Variants in PVALEF observed in about 807,000 individuals in gnomAD.
The protein encoded by PVALEF is parvalbumin-like EF-hand-containing protein.
A neutral mutation model predicts 1.2 loss-of-function variants in PVALEF; 2 were observed. The observed-to-expected ratio is 1.68, with a 90% CI of 0.69 to 5.28. PVALEF has a LOEUF of 5.28. Among genes scored for constraint, PVALEF ranks in the 30% most tolerant of loss-of-function variants. The pLI, the probability that PVALEF is intolerant of heterozygous loss-of-function variation, is 0.06. For synonymous variants in PVALEF, 16 were observed against 6.5 expected (o/e 2.47, Z -2.24); for missense variants, 35 against 17.7 (o/e 1.97, Z -1.75).
intron 2 of PVALEF, among the ~76,000 whole-genome samples, chr17:81,168,741 C>T (rs1370653512): frequency 6.6e-6 from 1 of 152,164 alleles, no homozygotes; most frequent in Non-Finnish European, 1.5e-5. Context: ...GGCCAAGAAC[C>T]CAGCAGGAAG....
rs559918127 is a variant in PVALEF, at chr17:81,165,994, G to T, written c.-508+247G>T. ...GGGGTTGAAGAAGGACGACGACATG[G>T]CCGGGCCAGCGGCCGGCGGGCATCC... is the stretch of plus-strand genomic sequence containing the variant. On this transcript the variant is annotated intron_variant, in intron 1 of 6. Coordinates refer to ENST00000637878, the MANE Select transcript of PVALEF (RefSeq NM_001354639.2). 3.4e-5 allele frequency: 53 copies of T among 1,571,110 alleles called. 1 individual carries two copies. In the South Asian group the frequency reaches 5.7e-4, roughly 17 times the overall value.
rs2061477864 is a variant in PVALEF, at chr17:81,165,607, C to T, written c.-648C>T. 2 of 1,410,970 alleles carry T rather than the reference C, an allele frequency of 1.4e-6. No homozygotes were observed. The highest frequency in any genetic ancestry group is 1.9e-6 in the Non-Finnish European group (2 of 1,065,348). The allele number at this position is 1,410,970 out of a possible 1,614,324, so 87.4% of individuals were successfully genotyped here. On this transcript the variant is annotated 5_prime_UTR_variant, in exon 1 of 7. Transcript: ENST00000637878. Reference sequence around the variant, plus strand: ...CCCAGCTGGCTGACACCCCCCACACCCCCAAGGGCCCTTAGTCTGAGACCA... The same window carrying T: ...CCCAGCTGGCTGACACCCCCCACACTCCCAAGGGCCCTTAGTCTGAGACCA...
Position 81,166,687 on chromosome 17 carries a change from G to T in PVALEF, c.-497G>T, listed in dbSNP as rs767938394. 2.0e-5 allele frequency: 9 copies of T among 454,258 alleles called. No individual in the cohort carries two copies. Among genetic ancestry groups the T allele is most frequent in the Non-Finnish European group, 4.0e-5 (9 of 226,748 alleles). The allele number at this position is 454,258 out of a possible 1,614,324, so 28.1% of individuals were successfully genotyped here. A position where few individuals can be genotyped will look rare whatever the true frequency, so the allele number is the denominator to read the frequency against. ...TCGCCTCACTTGCAGGTTTCGAGGC[G>T]GCTGGCAGCCGCCCCCCCACCCCAT... On this transcript the variant is annotated 5_prime_UTR_variant, in exon 2 of 7. Transcript: ENST00000637878.
At chr17:81,166,100 G>A in intron 1 of PVALEF, 1 of 618,506 alleles carries the variant, frequency 1.6e-6, no homozygotes, top group Non-Finnish European at 2.0e-6. Flanking sequence ...GGTGCGGAGC[G>A]CGCCGGCCCC....
chr17:81,182,961 C>A lies in PVALEF; in HGVS notation c.359-4C>A. On this transcript the variant is annotated splice_region_variant and splice_polypyrimidine_tract_variant and intron_variant, in intron 6 of 6. Coordinates refer to ENST00000637878, the MANE Select transcript of PVALEF (RefSeq NM_001354639.2). ...ACTTACTTTAAATTGGTCTCCTGCTCTAGAATTTTCTGAATTGATCAAAAA... is the reference window on the plus strand; with the variant it reads ...ACTTACTTTAAATTGGTCTCCTGCTATAGAATTTTCTGAATTGATCAAAAA... The A allele has an allele frequency of 5.0e-6, 2 of 398,640 alleles. No individual in the cohort carries two copies. Among genetic ancestry groups the A allele is most frequent in the Non-Finnish European group, 8.8e-6 (2 of 226,078 alleles). 24.7% of individuals were successfully genotyped at this position (398,640 alleles called of 1,614,324 possible).
intron 2 of PVALEF, among the ~76,000 whole-genome samples, chr17:81,168,725 G>A (rs1031210849): frequency 3.3e-5 from 5 of 152,176 alleles, no homozygotes; most frequent in Non-Finnish European, 5.9e-5. Context: ...CGTCGAAGAG[G>A]AAAAAGGCCA....
chr17:81,177,329 C>T (rs1306638686), intron 2 of PVALEF, among the ~76,000 whole-genome samples: 1 of 150,026 alleles, frequency 6.7e-6, no homozygotes, highest in African/African-American at 2.4e-5. Context: ...AGGCAGATCA[C>T]CTGAGGTCAG....
In PVALEF at chr17:81,183,050, G is replaced by A. The variant is rs530979706; in HGVS notation, c.*39G>A. 2.5e-6 allele frequency: 1 copy of A among 398,702 alleles called. No individual in the cohort carries two copies. The highest frequency in any genetic ancestry group is 4.4e-5 in the Admixed American group (1 of 22,746). 24.7% of individuals were successfully genotyped at this position (398,702 alleles called of 1,614,324 possible). On this transcript the variant is annotated 3_prime_UTR_variant, in exon 7 of 7. Transcript: ENST00000637878. ...CCTGGCCAGCCAAGGGGCTCCCATG[G>A]GGTAACCGGGGTGACCACGCACCTG...
rs1399071621 is a variant in PVALEF at position 81,178,992 on chromosome 17, C to T, written c.-265C>T. The stretch of plus-strand genomic sequence containing the variant: ...GGACACACCAAGTGCCTGCGAGCCC[C>T]TGGGAGCTGCCCGTGCCAGGCTGGA... On this transcript the variant is annotated 5_prime_UTR_variant, in exon 3 of 7. Transcript: ENST00000637878. The T allele has an allele frequency of 4.6e-6, 2 of 434,866 alleles. No homozygotes were observed. Among genetic ancestry groups the T allele is most frequent in the Non-Finnish European group, 9.3e-6 (2 of 214,260 alleles). The allele number at this position is 434,866 out of a possible 1,614,324, so 26.9% of individuals were successfully genotyped here. A position where few individuals can be genotyped will look rare whatever the true frequency, so the allele number is the denominator to read the frequency against.
At chr17:81,173,748 C>T (rs1225347722) in intron 2 of PVALEF, among the ~76,000 whole-genome samples, 4 of 152,108 alleles carry the variant, frequency 2.6e-5, no homozygotes, top group African/African-American at 9.7e-5. Context: ...GAACAAACAC[C>T]AATTCCTCTC....
intron 2 of PVALEF, among the ~76,000 whole-genome samples, chr17:81,176,962 T>G (rs181222989): frequency 1.3e-5 from 2 of 151,406 alleles, no homozygotes; most frequent in African/African-American, 4.8e-5. Flanking sequence ...AGTCTCCTTT[T>G]GTCACCCAGG....
chr17:81,182,898 A>C, intron 6 of PVALEF, 67 bp from the exon 7 acceptor site: 1 of 398,296 alleles, frequency 2.5e-6, no homozygotes, highest in Non-Finnish European at 4.4e-6. Context: ...TCTGAGAGTT[A>C]AAGGGCCTAC....
chr17:81,176,912 T>A (rs2061537463), intron 2 of PVALEF, among the ~76,000 whole-genome samples: 1 of 144,566 alleles, frequency 6.9e-6, no homozygotes, highest in African/African-American at 2.5e-5. Flanking sequence ...AACCATGCAA[T>A]GGAGTATTAG....
intron 2 of PVALEF, among the ~76,000 whole-genome samples, chr17:81,169,766 A>G (rs1567835297): frequency 2.0e-5 from 3 of 151,608 alleles, no homozygotes; most frequent in Non-Finnish European, 4.4e-5. Context: ...GTGTGTATGC[A>G]TGTGTGTCTG....
In PVALEF at chr17:81,181,310, G is replaced by T. The variant is rs934858421; in HGVS notation, c.84G>T (p.Leu28=). The change falls in exon 4 of 7, where the codon CTG becomes CTT. Residue 28 remains leucine, a synonymous_variant. Coordinates refer to ENST00000637878, the MANE Select transcript of PVALEF (RefSeq NM_001354639.2). ...TSLSDKDIEL[L]PTDMRHHGSF... ...TATCAGACAAGGACATTGAGCTGCT[G>T]CCCACAGACATGAGACACCACGGTA... The T allele has an allele frequency of 4.3e-6, 3 of 694,072 alleles. No homozygotes were observed. The highest frequency in any genetic ancestry group is 7.9e-6 in the Non-Finnish European group (3 of 380,466). The allele number at this position is 694,072 out of a possible 1,614,324, so 43.0% of individuals were successfully genotyped here. A position where few individuals can be genotyped will look rare whatever the true frequency, so the allele number is the denominator to read the frequency against.
At chr17:81,167,085 G>C (rs529147707) in intron 2 of PVALEF, among the ~76,000 whole-genome samples, 130 of 152,334 alleles carry the variant, frequency 8.5e-4, no homozygotes, top group African/African-American at 3.1e-3. Flanking sequence ...TTGTGCTCAG[G>C]GGTTCCAGAC....
At chr17:81,172,583 G>A (rs555284060) in intron 2 of PVALEF, among the ~76,000 whole-genome samples, 14 of 152,176 alleles carry the variant, frequency 9.2e-5, no homozygotes, top group African/African-American at 2.2e-4. Flanking sequence ...TTCAAGACCA[G>A]CCTGGCCTAT....
Position 81,165,626 on chromosome 17 carries a change from G to C in PVALEF, c.-629G>C. On this transcript the variant is annotated 5_prime_UTR_variant, in exon 1 of 7. Transcript: ENST00000637878. ...CCACACCCCCAAGGGCCCTTAGTCT[G>C]AGACCAACTCTCCTGGACACCAGGG... 1 of 1,454,790 alleles carries C rather than the reference G, an allele frequency of 6.9e-7. No homozygotes were observed. The highest frequency in any genetic ancestry group is 1.2e-5 in the South Asian group (1 of 82,434). 90.1% of individuals were successfully genotyped at this position (1,454,790 alleles called of 1,614,324 possible).
In PVALEF at chr17:81,179,259, C is replaced by G. The variant is rs113394320; in HGVS notation, c.-105+107C>G. On this transcript the variant is annotated intron_variant, in intron 3 of 6. Transcript: ENST00000637878. ...TCTTCATCCACAGGACAAGGGTGGC[C>G]CTGGGAGACCCCAGGGGACCCAGGG... 631 of 227,618 alleles carry G rather than the reference C, an allele frequency of 2.8e-3. 8 individuals carry two copies. The highest frequency in any genetic ancestry group is 0.013 in the African/African-American group (569 of 43,068). 14.1% of individuals were successfully genotyped at this position (227,618 alleles called of 1,614,324 possible). A position where few individuals can be genotyped will look rare whatever the true frequency, so the allele number is the denominator to read the frequency against.
Sources: allele counts gnomAD v4.1 joint callset (sites outside exome capture counted in the v4.1 genomes callset), GRCh38; gene constraint gnomAD v4.1.1; transcripts MANE v1.5; gene names NCBI Gene and HGNC (gene_info 2026-07-23, HGNC 2026-07-21).